TUT7: variants seen among roughly 807,000 people sequenced by gnomAD.
TUT7 encodes the protein terminal uridylyltransferase 7.
TUT7 carries 33 observed loss-of-function variants against 165.9 expected under a neutral mutation model. The observed-to-expected ratio is 0.20, with a 90% CI of 0.15 to 0.27. The LOEUF (loss-of-function observed/expected upper bound fraction) is 0.27. Ranked by LOEUF, TUT7 falls within the 10% of genes least tolerant of loss-of-function variation. The pLI is 1.00. For synonymous variants in TUT7, 552 were observed against 608.1 expected, an observed-to-expected ratio of 0.91 and a Z score of 1.36; for missense variants, 1,338 against 1,762.3, an observed-to-expected ratio of 0.76 and a Z score of 4.31.
rs1477040010 is a variant in TUT7 at position 86,301,615 on chromosome 9, C to A, written c.4095-14G>T. The A allele has an allele frequency of 1.3e-6, 2 of 1,587,394 alleles. No individual in the cohort carries two copies. The highest frequency in any genetic ancestry group is 1.2e-5 in the South Asian group (1 of 86,092). On this transcript the variant is annotated splice_polypyrimidine_tract_variant and intron_variant, in intron 25 of 26. Coordinates refer to ENST00000375963, the MANE Select transcript of TUT7 (RefSeq NM_024617.4). The stretch of plus-strand genomic sequence containing the variant: ...CGCCGTCTTACTCTGTAGAAGATAT[C>A]ATATTAGTAGCAAAAATCTAAACAG...
chr9:86,308,691 T>A, intron 21 of TUT7, 85 bp from the exon 22 acceptor site: 1 of 1,188,202 alleles, frequency 8.4e-7, no homozygotes, highest in Non-Finnish European at 1.2e-6. Flanking sequence ...GGAGTAAATT[T>A]GGATTTATTT....
Position 86,308,591 on chromosome 9 carries a change from C to T in TUT7, c.3676G>A (p.Glu1226Lys). ...QIDELPTYWS[E>K]CGKNTESVGQ... is the part of the protein sequence containing the mutation. The stretch of plus-strand genomic sequence containing the variant: ...ACAGATTCTGTATTTTTTCCACATT[C>T]TGACCAATAGGTAGGCTAGAAATAG... Residue 1226 changes from glutamate (E) to lysine (K), a missense_variant, in exon 22 of 27, where the codon GAA (glutamate) becomes AAA (lysine). Coordinates refer to ENST00000375963, the MANE Select transcript of TUT7 (RefSeq NM_024617.4). 6.2e-7 allele frequency: 1 copy of T among 1,612,840 alleles called. No individual in the cohort carries two copies. Among genetic ancestry groups the T allele is most frequent in the Non-Finnish European group, 8.5e-7 (1 of 1,179,500 alleles).
chr9:86,345,832 A>C (rs1260007506), intron 3 of TUT7, 47 bp from the exon 4 acceptor site: 1 of 1,321,602 alleles, frequency 7.6e-7, no homozygotes, highest in South Asian at 1.2e-5. Flanking sequence ...AGTAAAACCA[A>C]ACATTCAGAT....
chr9:86,336,131 AG>A (rs1436031376), intron 10 of TUT7, among the ~76,000 whole-genome samples: 1 of 152,216 alleles, frequency 6.6e-6, no homozygotes. Flanking sequence ...GATGGTAGTG[AG>A]CAAGGCAACT....
chr9:86,330,867 T>C (rs1256250783), intron 10 of TUT7, among the ~76,000 whole-genome samples: 2 of 151,718 alleles, frequency 1.3e-5, no homozygotes. Context: ...ATATATCTTG[T>C]ATTTTTTTCT....
intron 24 of TUT7, among the ~76,000 whole-genome samples, chr9:86,303,570 T>C (rs1827154868): frequency 2.0e-5 from 3 of 151,984 alleles, no homozygotes; most frequent in Admixed American, 2.0e-4. Context: ...ACATAATGAA[T>C]TGAGAAACAT....
intron 20 of TUT7, 39 bp from the exon 21 acceptor site, chr9:86,309,328 CTT>C (rs757214463): frequency 7.7e-6 from 11 of 1,434,022 alleles, no homozygotes; most frequent in South Asian, 1.2e-5. Context: ...GGATTACAAA[CTT>C]AATGCATTGA....
At chr9:86,296,962 C>A (rs1473937184) in intron 26 of TUT7, among the ~76,000 whole-genome samples, 2 of 152,180 alleles carry the variant, frequency 1.3e-5, no homozygotes, top group African/African-American at 4.8e-5. Context: ...TCGATTTTAA[C>A]CACCTATAAA....
At chr9:86,288,889 G>T in intron 26 of TUT7, 145 bp from the exon 27 acceptor site, 2 of 598,094 alleles carry the variant, frequency 3.3e-6, no homozygotes, top group East Asian at 5.6e-5. Flanking sequence ...AATAAGACTT[G>T]ATATTGAAAA....
chr9:86,322,732 C>T (rs923045053), intron 13 of TUT7, 141 bp downstream of exon 13: 11 of 1,036,658 alleles, frequency 1.1e-5, no homozygotes, highest in Admixed American at 6.0e-5. Context: ...AAAAGCAGAC[C>T]GAGCAGTCAT....
rs1326674965 is a variant in TUT7, at chr9:86,303,302, A to G, written c.3979-101T>C. ...AGTTATCTTACAATTCAATGTTGAT[A>G]TAACATTACTTTTAATAAATATTAT... On this transcript the variant is annotated intron_variant, in intron 24 of 26. Coordinates refer to ENST00000375963, the MANE Select transcript of TUT7 (RefSeq NM_024617.4). 20 of 563,732 alleles carry G rather than the reference A, an allele frequency of 3.5e-5. No individual in the cohort carries two copies. The East Asian group carries it at 4.5e-4, about 13-fold the overall frequency. 34.9% of individuals were successfully genotyped at this position (563,732 alleles called of 1,614,324 possible).
intron 25 of TUT7, among the ~76,000 whole-genome samples, chr9:86,302,452 T>C (rs950789504): frequency 3.3e-5 from 5 of 152,214 alleles, no homozygotes; most frequent in Admixed American, 1.3e-4. Flanking sequence ...GACTGTTTAC[T>C]GACTGAAATG....
At chr9:86,298,820 A>G in intron 26 of TUT7, 5 of 985,096 alleles carry the variant, frequency 5.1e-6, no homozygotes, top group Non-Finnish European at 6.0e-6. Context: ...GTCTTCATGT[A>G]AAAGCACTGC....
At chr9:86,330,234 A>AT (rs1206032872) in intron 10 of TUT7, among the ~76,000 whole-genome samples, 3 of 151,266 alleles carry the variant, frequency 2.0e-5, no homozygotes, top group African/African-American at 7.3e-5. Context: ...ATTTTTTTAT[A>AT]TTTTTTTAGT....
At chr9:86,339,471 T>C (rs1159604844) in intron 8 of TUT7, among the ~76,000 whole-genome samples, 1 of 152,162 alleles carries the variant, frequency 6.6e-6, no homozygotes, top group Non-Finnish European at 1.5e-5. Flanking sequence ...TGAGCCAAGA[T>C]TGCGCCACTG....
chr9:86,329,492 C>T (rs1490653655), intron 10 of TUT7, among the ~76,000 whole-genome samples: 1 of 150,042 alleles, frequency 6.7e-6, no homozygotes, highest in African/African-American at 2.5e-5. Flanking sequence ...CATTGCACTC[C>T]AGCCTGGGCA....
At chr9:86,302,902 C>A (rs1034097704) in intron 25 of TUT7, among the ~76,000 whole-genome samples, 184 bp downstream of exon 25, 1 of 152,210 alleles carries the variant, frequency 6.6e-6, no homozygotes, top group African/African-American at 2.4e-5. Flanking sequence ...AACCACTGCA[C>A]CCGGCCTAAA....
At chr9:86,298,742 T>C (rs1172451074) in intron 26 of TUT7, 12 of 969,776 alleles carry the variant, frequency 1.2e-5, no homozygotes, top group Non-Finnish European at 1.5e-5. Flanking sequence ...ATAACACACA[T>C]TTGTTTTTTT....
rs1377375061 is a variant in TUT7, at chr9:86,301,352, T to A, written c.4344A>T (p.Leu1448Phe). ...CACAAATAAAACAACGTTTTTCTCTTAAGTCTTTGTCATCCTGTCTCTTCC... is the reference window on the plus strand; with the variant it reads ...CACAAATAAAACAACGTTTTTCTCTAAAGTCTTTGTCATCCTGTCTCTTCC... ...EKWKRQDDKD[L>F]REKRCFICGR... Residue 1448 changes from leucine to phenylalanine, a missense_variant, in exon 26 of 27, where the codon TTA (leucine) becomes TTT (phenylalanine). This residue lies in a region of TUT7 where 167 missense variants were observed against 204.9 expected (regional missense o/e 0.82). Coordinates refer to ENST00000375963, the MANE Select transcript of TUT7 (RefSeq NM_024617.4). 4 of 1,614,176 alleles carry A rather than the reference T, an allele frequency of 2.5e-6. No individual in the cohort carries two copies. In the South Asian group the frequency reaches 4.4e-5, roughly 18 times the overall value.
Sources: allele counts gnomAD v4.1 joint callset (sites outside exome capture counted in the v4.1 genomes callset), GRCh38; gene constraint gnomAD v4.1.1; regional missense constraint gnomAD v4.1.1; transcripts MANE v1.5; gene names NCBI Gene and HGNC (gene_info 2026-07-23, HGNC 2026-07-21).